The following MPHOSPH8 variants were observed in gnomAD, a reference collection of about 807,000 sequenced individuals.
MPHOSPH8 encodes the protein M-phase phosphoprotein, mpp.
Under a neutral mutation model 87.3 loss-of-function variants are expected in MPHOSPH8, and 45 were observed. The ratio of observed to expected loss-of-function variants is 0.52; its 90% CI spans 0.41 to 0.66. The LOEUF is 0.66. Ranked by LOEUF, MPHOSPH8 falls within the 30% of genes least tolerant of loss-of-function variation. The pLI, the probability that MPHOSPH8 is intolerant of heterozygous loss-of-function variation, is 0.00. For synonymous variants in MPHOSPH8, 366 were observed against 376.9 expected, an observed-to-expected ratio of 0.97 and a Z score of 0.33; for missense variants, 883 against 1,020.2, an observed-to-expected ratio of 0.87 and a Z score of 1.83.
In MPHOSPH8 at chr13:19,642,364, C is replaced by G. The variant is rs553225766; in HGVS notation, c.369+94C>G. On this transcript the variant is annotated intron_variant, in intron 2 of 13. Coordinates refer to ENST00000361479, the MANE Select transcript of MPHOSPH8 (RefSeq NM_017520.4). ...TGTGTAGTAAATGATTTACAAATAA[C>G]AAAGTGTACCGTATTCTTTAGTGTA... 5.0e-4 allele frequency: 532 copies of G among 1,067,338 alleles called. 1 individual carries two copies. Among genetic ancestry groups the G allele is most frequent in the South Asian group, 2.2e-3 (109 of 50,496 alleles). 66.1% of individuals were successfully genotyped at this position (1,067,338 alleles called of 1,614,324 possible).
At chr13:19,670,637 A>G (rs1876070963) in intron 12 of MPHOSPH8, among the ~76,000 whole-genome samples, 1 of 152,160 alleles carries the variant, frequency 6.6e-6, no homozygotes, top group Non-Finnish European at 1.5e-5. Flanking sequence ...GATCTCAAAG[A>G]TTCTTTGTAC....
intron 9 of MPHOSPH8, among the ~76,000 whole-genome samples, chr13:19,665,098 G>T (rs987208786): frequency 6.6e-6 from 1 of 152,076 alleles, no homozygotes; most frequent in Non-Finnish European, 1.5e-5. Context: ...GGGGAGTGGG[G>T]TGCAGAGGGG....
intron 9 of MPHOSPH8, among the ~76,000 whole-genome samples, chr13:19,664,861 C>A (rs1403124953): frequency 6.6e-6 from 1 of 152,032 alleles, no homozygotes; most frequent in Non-Finnish European, 1.5e-5. Flanking sequence ...TCCAGCTCTG[C>A]AACAGTGACC....
intron 9 of MPHOSPH8, among the ~76,000 whole-genome samples, chr13:19,664,288 T>C (rs542161151): frequency 2.6e-5 from 4 of 152,200 alleles, no homozygotes; most frequent in Non-Finnish European, 5.9e-5. Flanking sequence ...CTTCATTTGT[T>C]TCTGTGGTTG....
At chr13:19,638,372 T>C (rs1322519208) in intron 1 of MPHOSPH8, among the ~76,000 whole-genome samples, 2 of 152,080 alleles carry the variant, frequency 1.3e-5, no homozygotes, top group Non-Finnish European at 1.5e-5. Context: ...CCCAGCACTT[T>C]GGGAAGCCGA....
chr13:19,668,639 A>G lies in MPHOSPH8; in HGVS notation c.2329+108A>G, dbSNP rs139253274. ...AACAAAACTTTAAGGAAATTCCATT[A>G]CGTGTAATAATTCTGCAGACCGGTT... On this transcript the variant is annotated intron_variant, in intron 11 of 13. Coordinates refer to ENST00000361479, the MANE Select transcript of MPHOSPH8 (RefSeq NM_017520.4). 738 of 1,239,738 alleles carry G rather than the reference A, an allele frequency of 6.0e-4. 1 individual carries two copies. The African/African-American group carries it at 0.01, about 17-fold the overall frequency. The allele number at this position is 1,239,738 out of a possible 1,614,324, so 76.8% of individuals were successfully genotyped here.
chr13:19,645,303 T>G (rs902874508), intron 2 of MPHOSPH8, among the ~76,000 whole-genome samples: 2 of 152,198 alleles, frequency 1.3e-5, no homozygotes, highest in African/African-American at 4.8e-5. Flanking sequence ...TGGTAGGGAC[T>G]TGGGACTTAC....
chr13:19,666,740 A>C (rs1470462726), intron 10 of MPHOSPH8, among the ~76,000 whole-genome samples, 161 bp downstream of exon 10: 1 of 152,248 alleles, frequency 6.6e-6, no homozygotes, highest in Admixed American at 6.5e-5. Context: ...AATAAATGGC[A>C]TATGAATTAT....
In MPHOSPH8 at chr13:19,666,554, G is replaced by A. The variant is rs1340344186; in HGVS notation, c.2149G>A (p.Asp717Asn). The A allele has an allele frequency of 1.9e-6, 3 of 1,589,974 alleles. No homozygotes were observed. The highest frequency in any genetic ancestry group is 2.6e-6 in the Non-Finnish European group (3 of 1,160,612). ...AKQSNNVLVY[D>N]LLKNHLETLS... is the part of the protein sequence containing the mutation. ...GCAGTCTAACAATGTGCTTGTGTACGACTTGCTGAAGAACCATTTAGAGAC... is the reference window on the plus strand; with the variant it reads ...GCAGTCTAACAATGTGCTTGTGTACAACTTGCTGAAGAACCATTTAGAGAC... Residue 717 changes from aspartate (D) to asparagine (N), a missense_variant, in exon 10 of 14, where the codon GAC (aspartate) becomes AAC (asparagine). Transcript: ENST00000361479.
chr13:19,641,721 C>A (rs1265728806), intron 1 of MPHOSPH8, among the ~76,000 whole-genome samples: 1 of 152,028 alleles, frequency 6.6e-6, no homozygotes, highest in African/African-American at 2.4e-5. Flanking sequence ...GTCTTCAACT[C>A]CTGACCTCAG....
At position 19,646,429 on chromosome 13, in the gene MPHOSPH8, T is replaced by C; in HGVS notation, c.370-14T>C. 7.0e-7 allele frequency: 1 copy of C among 1,432,346 alleles called. No individual in the cohort carries two copies. The highest frequency in any genetic ancestry group is 2.5e-5 in the East Asian group (1 of 39,778). 88.7% of individuals were successfully genotyped at this position (1,432,346 alleles called of 1,614,324 possible). A position where few individuals can be genotyped will look rare whatever the true frequency, so the allele number is the denominator to read the frequency against. On this transcript the variant is annotated splice_polypyrimidine_tract_variant and intron_variant, in intron 2 of 13. Transcript: ENST00000361479. ...TATGTTAATGAATATTTTAATCTGT[T>C]TTGTATTTTATAGAGACTATCCTTA...
At chr13:19,654,481 AAG>A (rs1228661209) in intron 5 of MPHOSPH8, among the ~76,000 whole-genome samples, 1 of 152,234 alleles carries the variant, frequency 6.6e-6, no homozygotes, top group Non-Finnish European at 1.5e-5. Context: ...TAATAAAAAA[AAG>A]AACGTGGAAT....
intron 1 of MPHOSPH8, among the ~76,000 whole-genome samples, chr13:19,635,012 C>G (rs1873917164): frequency 6.6e-6 from 1 of 152,208 alleles, no homozygotes; most frequent in African/African-American, 2.4e-5. Context: ...GAAGCATACA[C>G]AGTTGCTAAT....
At chr13:19,654,622 C>T (rs777314304) in intron 5 of MPHOSPH8, among the ~76,000 whole-genome samples, 1 of 152,160 alleles carries the variant, frequency 6.6e-6, no homozygotes, top group Non-Finnish European at 1.5e-5. Flanking sequence ...GGGAGACCAT[C>T]ATAACTTCAG....
At chr13:19,666,913 G>A (rs544473934) in intron 10 of MPHOSPH8, among the ~76,000 whole-genome samples, 30 of 152,240 alleles carry the variant, frequency 2.0e-4, no homozygotes, top group African/African-American at 7.0e-4. Context: ...TGTAATCCTA[G>A]TACTTTGGGA....
intron 3 of MPHOSPH8, 142 bp from the exon 4 acceptor site, chr13:19,648,280 A>G (rs112998354): frequency 0.014 from 5,861 of 431,150 alleles, 249 homozygotes; most frequent in African/African-American, 0.092. Flanking sequence ...TTGTGTGAAG[A>G]GGATTTAATG....
In MPHOSPH8 at chr13:19,670,802, C is replaced by T; in HGVS notation, c.2458-404C>T. On this transcript the variant is annotated intron_variant, in intron 12 of 13. Transcript: ENST00000361479. ...TGTCATTTGTATATTTTTAATAAAT[C>T]AAGGGAAAAATAAATCACTTTTTTT... 6.6e-6 allele frequency: 8 copies of T among 1,206,218 alleles called. No individual in the cohort carries two copies. The South Asian group carries it at 1.2e-4, about 18-fold the overall frequency. 74.7% of individuals were successfully genotyped at this position (1,206,218 alleles called of 1,614,324 possible). A position where few individuals can be genotyped will look rare whatever the true frequency, so the allele number is the denominator to read the frequency against.
At chr13:19,664,058 A>T (rs1013079427) in intron 9 of MPHOSPH8, among the ~76,000 whole-genome samples, 3 of 151,896 alleles carry the variant, frequency 2.0e-5, no homozygotes, top group African/African-American at 7.3e-5. Context: ...ATCATGACTC[A>T]CTGATGCCTT....
Position 19,633,970 on chromosome 13 carries a change from AGGGGCCCCGGCGCGGGGCT to A in MPHOSPH8, c.213+13_213+31del. The A allele has an allele frequency of 6.2e-7, 1 of 1,602,304 alleles. No individual in the cohort carries two copies. Among genetic ancestry groups the A allele is most frequent in the Non-Finnish European group, 8.5e-7 (1 of 1,175,240 alleles). On this transcript the variant is annotated intron_variant, in intron 1 of 13. Coordinates refer to ENST00000361479, the MANE Select transcript of MPHOSPH8 (RefSeq NM_017520.4). The stretch of plus-strand genomic sequence containing the variant: ...ACATGAAGACCGAGGGGGTATGTGG[AGGGGCCCCGGCGCGGGGCT>A]GGGCGGGGAGCTCCGGGCCTGGCGG...
Sources: gnomAD v4.1 joint callset for allele counts (sites outside exome capture counted in the v4.1 genomes callset) on GRCh38, gnomAD v4.1.1 for gene constraint, MANE v1.5 for transcripts, NCBI Gene and HGNC (gene_info 2026-07-23, HGNC 2026-07-21) for gene names.